GIT1: variants seen among roughly 807,000 people sequenced by gnomAD.
The protein encoded by GIT1 is GIT ArfGAP 1.
A neutral mutation model predicts 91.7 loss-of-function variants in GIT1; 14 were observed. That is an observed-to-expected ratio of 0.15 (90% CI 0.10 to 0.24). The LOEUF is 0.24. Ranked by LOEUF, GIT1 falls within the 10% of genes least tolerant of loss-of-function variation. GIT1 has a pLI of 1.00. For missense variants in GIT1, 717 were observed against 1,024.9 expected, an observed-to-expected ratio of 0.70 and a Z score of 4.10; for synonymous variants, 414 against 418.2, an observed-to-expected ratio of 0.99 and a Z score of 0.12.
In GIT1 at chr17:29,576,265, G is replaced by A. The variant is rs750785631; in HGVS notation, c.1566C>T (p.Pro522=). 2 of 1,610,388 alleles carry A rather than the reference G, an allele frequency of 1.2e-6. No individual in the cohort carries two copies. ...PGSALKPFGG[P]PGDELTTRLQ... is the part of the protein sequence containing the mutation. Reference sequence around the variant, plus strand: ...GCCGCGTAGTGAGCTCGTCCCCAGGGGGGCCCCCAAAGGGCTTCAGGGCAG... The same window carrying A: ...GCCGCGTAGTGAGCTCGTCCCCAGGAGGGCCCCCAAAGGGCTTCAGGGCAG... Residue 522 remains proline (P), a synonymous_variant, in exon 14 of 20, where the codon CCC becomes CCT. Transcript: ENST00000225394.
At chr17:29,576,739 G>A in intron 12 of GIT1, 65 bp from the exon 13 acceptor site, 4 of 1,600,750 alleles carry the variant, frequency 2.5e-6, no homozygotes, top group Non-Finnish European at 3.4e-6. Context: ...GCAGGGGGCA[G>A]TTATTGAGGC....
Position 29,582,953 on chromosome 17 carries a change from G to A in GIT1, c.271C>T (p.Arg91Cys), listed in dbSNP as rs2033453337. The A allele has an allele frequency of 1.2e-6, 2 of 1,611,476 alleles. No individual in the cohort carries two copies. Among genetic ancestry groups the A allele is most frequent in the Admixed American group, 1.7e-5 (1 of 60,006 alleles). The stretch of plus-strand genomic sequence containing the variant: ...ACTTTGTCTTGGGGGTTGGCTTTAC[G>A]CCGGCCGCTCTGCACTTGTGCGGGG... ...LDPAQVQSGR[R>C]KANPQDKVHP... The change falls in exon 3 of 20, where the codon CGT (arginine) becomes TGT (cysteine). Residue 91 changes from arginine (R) to cysteine (C), a missense_variant. Physicochemically the swap from Arg to Cys is radical, Grantham distance 180. Transcript: ENST00000225394.
intron 4 of GIT1, 75 bp from the exon 5 acceptor site, chr17:29,582,219 CT>C (rs972952328): frequency 5.1e-5 from 60 of 1,179,738 alleles, no homozygotes; most frequent in Non-Finnish European, 6.5e-5. Context: ...TGCACCCTGG[CT>C]GCCCCTGGGA....
chr17:29,585,859 G>A (rs996412837), intron 1 of GIT1, among the ~76,000 whole-genome samples: 8 of 152,152 alleles, frequency 5.3e-5, no homozygotes, highest in South Asian at 2.1e-4. Flanking sequence ...TGGCTCCACC[G>A]GCAGGGTATG....
At chr17:29,578,953 A>G in intron 7 of GIT1, 174 bp from the exon 8 acceptor site, 1 of 1,613,510 alleles carries the variant, frequency 6.2e-7, no homozygotes. Context: ...CCCGGCAGGC[A>G]CCATATACCT....
At chr17:29,577,917 G>A (rs552100321) in intron 9 of GIT1, among the ~76,000 whole-genome samples, 175 bp from the exon 10 acceptor site, 5 of 152,378 alleles carry the variant, frequency 3.3e-5, no homozygotes, top group Admixed American at 1.3e-4. Flanking sequence ...AAGGCTGGGC[G>A]TGGCCGGCTG....
At chr17:29,588,567 G>C (rs1219240560) in intron 1 of GIT1, among the ~76,000 whole-genome samples, 1 of 152,202 alleles carries the variant, frequency 6.6e-6, no homozygotes, top group East Asian at 1.9e-4. Context: ...TGGGCTAGGG[G>C]ACAGGGAGGG....
intron 1 of GIT1, among the ~76,000 whole-genome samples, chr17:29,586,866 A>G (rs1032419109): frequency 5.9e-5 from 9 of 152,282 alleles, no homozygotes; most frequent in African/African-American, 2.2e-4. Flanking sequence ...GCAGGCAGGA[A>G]CACATACGGT....
intron 2 of GIT1, 67 bp downstream of exon 2, chr17:29,583,416 G>GA (rs2033471125): frequency 6.5e-7 from 1 of 1,548,366 alleles, no homozygotes; most frequent in Non-Finnish European, 8.8e-7. Flanking sequence ...GGGTGAGGGG[G>GA]AAACGCCCTC....
At chr17:29,585,621 C>CTG (rs1461132143) in intron 1 of GIT1, among the ~76,000 whole-genome samples, 2 of 152,226 alleles carry the variant, frequency 1.3e-5, no homozygotes, top group Non-Finnish European at 2.9e-5. Flanking sequence ...GCAAAGGACA[C>CTG]TGTCCTGGTC....
At chr17:29,577,048 C>T in intron 11 of GIT1, 52 bp from the exon 12 acceptor site, 2 of 1,607,354 alleles carry the variant, frequency 1.2e-6, no homozygotes, top group Non-Finnish European at 1.7e-6. Flanking sequence ...CAACCCATCT[C>T]TCAGGTCACC....
In GIT1 at chr17:29,581,240, G is replaced by A. The variant is rs1276290446; in HGVS notation, c.761+98C>T. ...TCTAGTCTCTGGGGGGAGGGAGCAG[G>A]GTCCTAGGCCTCTGAAACCTGGGCT... On this transcript the variant is annotated intron_variant, in intron 7 of 19. Coordinates refer to ENST00000225394, the MANE Select transcript of GIT1 (RefSeq NM_014030.4). This position sits in a 1 kb window ranked among gnomAD's most constrained non-coding sequence, Gnocchi z 4.8. 1.1e-5 allele frequency: 9 copies of A among 847,746 alleles called. No individual in the cohort carries two copies. The African/African-American group carries it at 1.2e-4, about 11-fold the overall frequency. The allele number at this position is 847,746 out of a possible 1,614,324, so 52.5% of individuals were successfully genotyped here.
intron 7 of GIT1, among the ~76,000 whole-genome samples, chr17:29,580,474 A>G (rs2033359635): frequency 6.6e-6 from 1 of 152,202 alleles, no homozygotes; most frequent in Non-Finnish European, 1.5e-5. Flanking sequence ...GGACATGGCC[A>G]TCAGAGGTGG....
At chr17:29,579,921 G>C (rs1056592439) in intron 7 of GIT1, among the ~76,000 whole-genome samples, 1 of 152,104 alleles carries the variant, frequency 6.6e-6, no homozygotes, top group Admixed American at 6.5e-5. Context: ...CTCTCGGGAT[G>C]GTCACTGCTC....
chr17:29,582,163 G>A lies in GIT1; in HGVS notation c.406-19C>T, dbSNP rs372148442. 5.2e-6 allele frequency: 8 copies of A among 1,528,042 alleles called. No homozygotes were observed. The highest frequency in any genetic ancestry group is 6.2e-6 in the Non-Finnish European group (7 of 1,137,416). 94.7% of individuals were successfully genotyped at this position (1,528,042 alleles called of 1,614,324 possible). ...GTAGTTGCTAAGAGGAGCAGAGTGT[G>A]CAGTGAATACGCATGTGCGTGAGGC... On this transcript the variant is annotated intron_variant, in intron 4 of 19. Coordinates refer to ENST00000225394, the MANE Select transcript of GIT1 (RefSeq NM_014030.4).
intron 1 of GIT1, among the ~76,000 whole-genome samples, chr17:29,588,037 T>C (rs1281197878): frequency 6.6e-6 from 1 of 152,166 alleles, no homozygotes; most frequent in Non-Finnish European, 1.5e-5. Context: ...TAACCACCTA[T>C]GGAGTATTTT....
intron 7 of GIT1, chr17:29,579,202 G>A: frequency 1.7e-6 from 1 of 584,518 alleles, no homozygotes; most frequent in Non-Finnish European, 3.1e-6. Flanking sequence ...CACCACCAGT[G>A]TCAGCCACCT....
Position 29,576,240 on chromosome 17 carries a change from G to A in GIT1, c.1591C>T (p.Leu531=). 1 of 1,608,484 alleles carries A rather than the reference G, an allele frequency of 6.2e-7. No homozygotes were observed. The highest frequency in any genetic ancestry group is 8.5e-7 in the Non-Finnish European group (1 of 1,176,198). Residue 531 remains leucine, a synonymous_variant, in exon 14 of 20, where the codon CTG becomes TTG. Transcript: ENST00000225394. ...CTCACAGTGCTGTGGAAAGGCTGCA[G>A]CCGCGTAGTGAGCTCGTCCCCAGGG... ...GPPGDELTTR[L]QPFHSTELED...
Position 29,582,901 on chromosome 17 carries a change from C to T in GIT1, c.299+24G>A, listed in dbSNP as rs907122248. The T allele has an allele frequency of 3.8e-6, 6 of 1,574,784 alleles. No individual in the cohort carries two copies. In the South Asian group the frequency reaches 6.6e-5, roughly 17 times the overall value. ...TGTCCCGGACTGCGCAGTCTCTGCC[C>T]ACCACCCCTCCAGCCCCACTCACTG... On this transcript the variant is annotated intron_variant, in intron 3 of 19. Coordinates refer to ENST00000225394, the MANE Select transcript of GIT1 (RefSeq NM_014030.4).
Sources: allele counts gnomAD v4.1 joint callset (sites outside exome capture counted in the v4.1 genomes callset), GRCh38; gene constraint gnomAD v4.1.1; non-coding constraint Gnocchi (gnomAD v3.1); transcripts MANE v1.5; gene names NCBI Gene and HGNC (gene_info 2026-07-23, HGNC 2026-07-21).